Variants in CADM2 observed in about 807,000 individuals in gnomAD.
CADM2 encodes cell adhesion molecule 2.
CADM2 carries 12 observed loss-of-function variants against 49.8 expected under a neutral mutation model. The ratio of observed to expected loss-of-function variants is 0.24; its 90% CI spans 0.15 to 0.39. The LOEUF (loss-of-function observed/expected upper bound fraction) is 0.39. Among genes scored for constraint, CADM2 ranks in the 10% least tolerant of loss-of-function variants. The probability of loss-of-function intolerance (pLI) is 1.00; values close to 1 mark genes in which losing one functional copy is unlikely to be tolerated. For synonymous variants in CADM2, 214 were observed against 175.4 expected (o/e 1.22, Z -1.74); for missense variants, 378 against 492.3 (o/e 0.77, Z 2.20).
intron 1 of CADM2, among the ~76,000 whole-genome samples, chr3:84,980,371 A>G (rs1280848066): frequency 6.6e-6 from 1 of 152,182 alleles, no homozygotes; most frequent in Non-Finnish European, 1.5e-5. Context: ...TTACCCTATT[A>G]ATGGGTTTCA....
intron 5 of CADM2, among the ~76,000 whole-genome samples, chr3:85,905,732 T>C (rs970597283): frequency 3.9e-5 from 6 of 152,118 alleles, no homozygotes; most frequent in Non-Finnish European, 7.4e-5. Context: ...AATACATAAT[T>C]TATATTGAAC....
At chr3:85,186,135 A>T (rs2041055515) in intron 1 of CADM2, among the ~76,000 whole-genome samples, 1 of 152,202 alleles carries the variant, frequency 6.6e-6, no homozygotes, top group South Asian at 2.1e-4. Context: ...TTTTTAAACT[A>T]GAACGGAGAC....
rs62263317 is a variant in CADM2, at chr3:86,009,160, G to A, written c.970+47513G>A. Among the ~76,000 whole-genome samples the A allele has an allele frequency of 5.7e-5, 8 of 139,716 alleles. No individual in the cohort carries two copies. In the East Asian group the frequency reaches 1.4e-3, roughly 25 times the overall value. 91.7% of individuals were successfully genotyped at this position (139,716 alleles called of 152,430 possible). A position where few individuals can be genotyped will look rare whatever the true frequency, so the allele number is the denominator to read the frequency against. On this transcript the variant is annotated intron_variant, in intron 8 of 9. Transcript: ENST00000383699. ...ATATATATATAGATATATATATATA[G>A]GTATATATATAGGTATATATATGAA...
intron 1 of CADM2, among the ~76,000 whole-genome samples, chr3:85,639,366 G>T (rs765465720): frequency 2.0e-5 from 3 of 152,132 alleles, no homozygotes; most frequent in African/African-American, 7.2e-5. Flanking sequence ...CTATGCTCCC[G>T]TGTTTACTGT....
intron 8 of CADM2, chr3:85,979,087 T>C (rs1220530062): frequency 1.3e-6 from 2 of 1,503,428 alleles, no homozygotes; most frequent in East Asian, 2.3e-5. Context: ...GTTATATGTA[T>C]TTATAATTTG....
At chr3:85,537,058 A>G (rs12486203) in intron 1 of CADM2, among the ~76,000 whole-genome samples, 12,402 of 152,076 alleles carry the variant, frequency 0.082, 980 homozygotes, top group African/African-American at 0.19. Flanking sequence ...TTTGTTATGT[A>G]AAATATTATG....
In CADM2 at chr3:85,869,213, A is replaced by G. The variant is rs143273825; in HGVS notation, c.239-14078A>G. ...CTCTACTAACTTCTTAAAGCTCGGC[A>G]ATGAAGTGAAATATGTCACTTTACT... On this transcript the variant is annotated intron_variant, in intron 3 of 9. Transcript: ENST00000383699. Among the ~76,000 whole-genome samples, 36 of 152,286 alleles carry G rather than the reference A, an allele frequency of 2.4e-4. No homozygotes were observed. In the East Asian group the frequency reaches 6.6e-3, roughly 28 times the overall value.
intron 1 of CADM2, among the ~76,000 whole-genome samples, chr3:85,543,420 A>ATATG (rs1553739555): frequency 7.7e-5 from 10 of 129,584 alleles, no homozygotes; most frequent in African/African-American, 2.8e-4. Flanking sequence ...TGCCAAGCTA[A>ATATG]TGTGTGTGTG....
At chr3:85,050,613 G>A (rs764504621) in intron 1 of CADM2, among the ~76,000 whole-genome samples, 4 of 152,058 alleles carry the variant, frequency 2.6e-5, no homozygotes, top group Non-Finnish European at 5.9e-5. Flanking sequence ...GAAATAAAAT[G>A]GCTTGCACAA....
intron 1 of CADM2, among the ~76,000 whole-genome samples, chr3:85,512,416 G>T (rs973047420): frequency 6.6e-6 from 1 of 151,912 alleles, no homozygotes; most frequent in Non-Finnish European, 1.5e-5. Context: ...CCAATAGACC[G>T]TTGATTTCAT....
chr3:85,765,542 C>G (rs73845647), intron 2 of CADM2, among the ~76,000 whole-genome samples: 7,730 of 152,016 alleles, frequency 0.051, 557 homozygotes, highest in African/African-American at 0.16. Context: ...TAGTATCTCC[C>G]TATTTCCTGG....
chr3:85,126,298 C>T (rs1269641431), intron 1 of CADM2, among the ~76,000 whole-genome samples: 7 of 151,926 alleles, frequency 4.6e-5, no homozygotes, highest in Non-Finnish European at 5.9e-5. Context: ...AGGCTCTGTT[C>T]TAGGAGCAGG....
chr3:85,560,355 A>G (rs1229979641), intron 1 of CADM2, among the ~76,000 whole-genome samples: 1 of 152,246 alleles, frequency 6.6e-6, no homozygotes, highest in Admixed American at 6.5e-5. Context: ...TGGTAGTCCA[A>G]GCAAGGTAGC....
chr3:85,014,839 A>G (rs1478497645), intron 1 of CADM2, among the ~76,000 whole-genome samples: 1 of 152,182 alleles, frequency 6.6e-6, no homozygotes, highest in Non-Finnish European at 1.5e-5. Flanking sequence ...CGGGCACGCA[A>G]AACAACTCTG....
intron 1 of CADM2, among the ~76,000 whole-genome samples, chr3:85,400,686 A>G (rs973319603): frequency 6.7e-6 from 1 of 148,844 alleles, no homozygotes; most frequent in Non-Finnish European, 1.5e-5. Flanking sequence ...GGGAGGGTGT[A>G]TGTGTCCAGG....
intron 2 of CADM2, among the ~76,000 whole-genome samples, chr3:85,766,379 C>A (rs539549834): frequency 5.9e-5 from 9 of 152,230 alleles, no homozygotes; most frequent in African/African-American, 2.2e-4. Context: ...TTGTCCCTGG[C>A]AAACTGGGAA....
At chr3:85,852,022 A>C (rs1308347581) in intron 3 of CADM2, among the ~76,000 whole-genome samples, 1 of 152,090 alleles carries the variant, frequency 6.6e-6, no homozygotes, top group East Asian at 1.9e-4. Context: ...ATGTACCTAC[A>C]TGGATCTGGA....
chr3:85,646,310 T>A (rs1280478320), intron 1 of CADM2, among the ~76,000 whole-genome samples: 1 of 152,012 alleles, frequency 6.6e-6, no homozygotes, highest in Non-Finnish European at 1.5e-5. Context: ...ATTTTTATGT[T>A]CTATGATTTA....
intron 1 of CADM2, among the ~76,000 whole-genome samples, chr3:85,342,166 G>GA (rs886862151): frequency 6.6e-6 from 1 of 151,758 alleles, no homozygotes; most frequent in Non-Finnish European, 1.5e-5. Flanking sequence ...AAATTTACTA[G>GA]AAAAAAACAA....
Sources: allele counts gnomAD v4.1 joint callset (sites outside exome capture counted in the v4.1 genomes callset), GRCh38; gene constraint gnomAD v4.1.1; transcripts MANE v1.5; gene names NCBI Gene and HGNC (gene_info 2026-07-23, HGNC 2026-07-21).